Variants in STK40 observed in about 807,000 individuals in gnomAD.
STK40 encodes serine/threonine kinase 40, also known as serine/threonine-protein kinase 40.
A neutral mutation model predicts 47.9 loss-of-function variants in STK40; 13 were observed. That is an observed-to-expected ratio of 0.27 (90% confidence interval 0.18 to 0.43). The LOEUF (loss-of-function observed/expected upper bound fraction) is 0.43. STK40 is among the 20% of genes least tolerant of loss of function. The pLI is 1.00. For synonymous variants in STK40, 225 were observed against 243.2 expected, an observed-to-expected ratio of 0.93 and a Z score of 0.69; for missense variants, 460 against 595.1, an observed-to-expected ratio of 0.77 and a Z score of 2.36.
At chr1:36,355,142 T>C in intron 5 of STK40, 64 bp downstream of exon 5, 1 of 1,543,896 alleles carries the variant, frequency 6.5e-7, no homozygotes, top group Non-Finnish European at 8.9e-7. Flanking sequence ...TGCCTTCTGC[T>C]CAGCAGCAGC....
chr1:36,358,595 G>T, intron 3 of STK40, 142 bp downstream of exon 3: 1 of 1,097,810 alleles, frequency 9.1e-7, no homozygotes, highest in Non-Finnish European at 1.3e-6. Flanking sequence ...TTCTGAGGGA[G>T]ACTGTGAACT....
intron 1 of STK40, among the ~76,000 whole-genome samples, chr1:36,383,900 A>G (rs1045593550): frequency 6.6e-6 from 1 of 151,444 alleles, no homozygotes; most frequent in African/African-American, 2.4e-5. Flanking sequence ...CTCCAGCATC[A>G]CTTCTGCCAA....
At chr1:36,378,687 G>A (rs934146022) in intron 1 of STK40, among the ~76,000 whole-genome samples, 1 of 152,166 alleles carries the variant, frequency 6.6e-6, no homozygotes. Context: ...TCGATCTCCT[G>A]AACTCGTGAT....
intron 1 of STK40, among the ~76,000 whole-genome samples, chr1:36,383,423 C>G (rs369659966): frequency 6.6e-6 from 1 of 152,252 alleles, no homozygotes; most frequent in African/African-American, 2.4e-5. Context: ...GGCACTTCTG[C>G]GCCAGGCAGA....
intron 1 of STK40, among the ~76,000 whole-genome samples, chr1:36,373,941 G>A (rs1646970558): frequency 6.6e-6 from 1 of 152,228 alleles, no homozygotes; most frequent in Non-Finnish European, 1.5e-5. Flanking sequence ...GAGAGTACCT[G>A]CTGCAGCCAG....
chr1:36,343,770 G>A, intron 9 of STK40, 90 bp downstream of exon 9: 2 of 1,497,484 alleles, frequency 1.3e-6, no homozygotes, highest in Admixed American at 4.7e-5. Flanking sequence ...TGGCAGAGAA[G>A]CAGGCTGACT....
At chr1:36,382,355 T>C (rs1320870668) in intron 1 of STK40, among the ~76,000 whole-genome samples, 1 of 152,126 alleles carries the variant, frequency 6.6e-6, no homozygotes. Flanking sequence ...AATTTTTGTA[T>C]TTTTTGTAGA....
chr1:36,355,447 G>C lies in STK40; in HGVS notation c.343-14C>G, dbSNP rs761484492. ...ACAGGTGCGGTCCTGGGAGGCAAGG[G>C]GGTAGCGCAGGGCTTGGCTGTGAAC... On this transcript the variant is annotated splice_polypyrimidine_tract_variant and intron_variant, in intron 4 of 10. Transcript: ENST00000373132. 18 of 1,613,886 alleles carry C rather than the reference G, an allele frequency of 1.1e-5. No homozygotes were observed. Among genetic ancestry groups the C allele is most frequent in the Non-Finnish European group, 1.5e-5 (18 of 1,179,790 alleles).
At chr1:36,346,786 T>C (rs1192873806) in intron 7 of STK40, among the ~76,000 whole-genome samples, 4 of 152,132 alleles carry the variant, frequency 2.6e-5, no homozygotes, top group Non-Finnish European at 1.5e-5. Flanking sequence ...AGACTGCAAA[T>C]GAAGGCCACT....
intron 5 of STK40, 143 bp downstream of exon 5, chr1:36,355,063 C>G: frequency 2.4e-6 from 2 of 840,464 alleles, no homozygotes; most frequent in Non-Finnish European, 3.8e-6. Context: ...CCCTGTGCAC[C>G]TGCCATTCAG....
intron 6 of STK40, among the ~76,000 whole-genome samples, chr1:36,350,961 T>TG (rs34724537): frequency 2.6e-5 from 4 of 152,230 alleles, no homozygotes; most frequent in South Asian, 2.1e-4. Flanking sequence ...ACCACCCAAG[T>TG]GGGGGGTGCA....
chr1:36,376,688 A>T (rs1459612375), intron 1 of STK40, among the ~76,000 whole-genome samples: 2 of 152,226 alleles, frequency 1.3e-5, no homozygotes, highest in Non-Finnish European at 2.9e-5. Flanking sequence ...GCTGATAAAG[A>T]TGTCTATGTT....
chr1:36,371,421 G>A (rs1160493122), intron 1 of STK40, among the ~76,000 whole-genome samples: 1 of 151,290 alleles, frequency 6.6e-6, no homozygotes, highest in Non-Finnish European at 1.5e-5. Flanking sequence ...GGGCGTGCTG[G>A]TGGGCGCCTG....
At chr1:36,345,991 A>ATATATATTTTTT in intron 7 of STK40, among the ~76,000 whole-genome samples, 2 of 26,466 alleles carry the variant, frequency 7.6e-5, no homozygotes, top group African/African-American at 1.4e-4. Context: ...ATATATATAT[A>ATATATATTTTTT]TTTTTTTTTT....
At position 36,355,425 on chromosome 1, in the gene STK40, G is replaced by A; in HGVS notation, c.351C>T (p.Thr117=). The A allele has an allele frequency of 6.2e-7, 1 of 1,614,198 alleles. No individual in the cohort carries two copies. Among genetic ancestry groups the A allele is most frequent in the Non-Finnish European group, 8.5e-7 (1 of 1,180,032 alleles). ...VHHHGLFQDR[T]CEIVEDTESS... is the part of the protein sequence containing the mutation. The stretch of plus-strand genomic sequence containing the variant: ...ATTCTGTGTCCTCAACGATTTCACA[G>A]GTGCGGTCCTGGGAGGCAAGGGGGT... The change falls in exon 5 of 11, where the codon ACC becomes ACT. Residue 117 remains threonine (T), a synonymous_variant. Transcript: ENST00000373132.
chr1:36,362,100 T>C (rs961583671), intron 1 of STK40, among the ~76,000 whole-genome samples: 5 of 152,334 alleles, frequency 3.3e-5, no homozygotes, highest in East Asian at 1.9e-4. Flanking sequence ...CTGAGCACTC[T>C]GATTTGCCTG....
intron 2 of STK40, 71 bp downstream of exon 2, chr1:36,361,150 G>A: frequency 6.3e-7 from 1 of 1,575,746 alleles, no homozygotes; most frequent in Non-Finnish European, 8.7e-7. Flanking sequence ...CTGTAGGTCA[G>A]ATCATGCGAG....
intron 1 of STK40, among the ~76,000 whole-genome samples, chr1:36,364,420 A>C (rs967021019): frequency 6.6e-6 from 1 of 152,222 alleles, no homozygotes; most frequent in Non-Finnish European, 1.5e-5. Context: ...TAAATGGCTA[A>C]TTGGGTGGCC....
rs139655314 is a variant in STK40 at position 36,349,764 on chromosome 1, G to T, written c.624-949C>A. Among the ~76,000 whole-genome samples the T allele has an allele frequency of 2.4e-3, 361 of 152,158 alleles. 1 individual carries two copies. Among genetic ancestry groups the T allele is most frequent in the Non-Finnish European group, 3.1e-3 (209 of 67,972 alleles). ...GACCCTTACACCTTACACCACACTG[G>T]GGGCTGGGAGGGTGGGCAGGCCCTG... On this transcript the variant is annotated intron_variant, in intron 6 of 10. Transcript: ENST00000373132.
Sources: gnomAD v4.1 joint callset for allele counts (sites outside exome capture counted in the v4.1 genomes callset) on GRCh38, gnomAD v4.1.1 for gene constraint, MANE v1.5 for transcripts, NCBI Gene and HGNC (gene_info 2026-07-23, HGNC 2026-07-21) for gene names.